The following KIAA1217 variants were observed in gnomAD, a reference collection of about 807,000 sequenced individuals.
KIAA1217 encodes the protein KIAA1217.
Under a neutral mutation model 163.9 loss-of-function variants are expected in KIAA1217, and 88 were observed. The ratio of observed to expected loss-of-function variants is 0.54; its 90% confidence interval spans 0.45 to 0.64. The LOEUF is 0.64. Ranked by LOEUF, KIAA1217 falls within the 30% of genes least tolerant of loss-of-function variation. The pLI is 0.00. For synonymous variants in KIAA1217, 903 were observed against 923.1 expected, an observed-to-expected ratio of 0.98 and a Z score of 0.39; for missense variants, 2,372 against 2,475.0, an observed-to-expected ratio of 0.96 and a Z score of 0.88.
At chr10:23,699,824 T>C (rs1338956354) in intron 1 of KIAA1217, among the ~76,000 whole-genome samples, 1 of 152,166 alleles carries the variant, frequency 6.6e-6, no homozygotes, top group East Asian at 1.9e-4. Flanking sequence ...TTATTTGTTT[T>C]GTTTTATAGC....
chr10:24,323,162 C>T (rs886716049), intron 2 of KIAA1217, among the ~76,000 whole-genome samples: 4 of 151,980 alleles, frequency 2.6e-5, no homozygotes, highest in Non-Finnish European at 5.9e-5. Context: ...TGCTATGTTG[C>T]CCAGAATGGT....
chr10:23,997,527 A>G lies in KIAA1217; in HGVS notation c.-320-9698A>G, dbSNP rs149955221. Among the ~76,000 whole-genome samples, 3 of 152,296 alleles carry G rather than the reference A, an allele frequency of 2.0e-5. No homozygotes were observed. In the East Asian group the frequency reaches 5.8e-4, roughly 29 times the overall value. ...TCTGGGAGCTTATTTTTATTACAAAAATAATTTGTGGTAGGTAGCTATAGG... is the reference window on the plus strand; with the variant it reads ...TCTGGGAGCTTATTTTTATTACAAAGATAATTTGTGGTAGGTAGCTATAGG... On this transcript the variant is annotated intron_variant, in intron 1 of 18. Coordinates refer to the KIAA1217 transcript ENST00000376462.
At chr10:24,306,977 A>G (rs1174319780) in intron 2 of KIAA1217, among the ~76,000 whole-genome samples, 1 of 152,228 alleles carries the variant, frequency 6.6e-6, no homozygotes, top group Non-Finnish European at 1.5e-5. Flanking sequence ...TAGTTAGCAA[A>G]GCTGCTTATA....
intron 2 of KIAA1217, among the ~76,000 whole-genome samples, chr10:24,013,378 A>G (rs1847329780): frequency 6.6e-6 from 1 of 151,814 alleles, no homozygotes; most frequent in Non-Finnish European, 1.5e-5. Flanking sequence ...TATTAATTAT[A>G]TATTAAATAA....
At chr10:24,498,685 G>A (rs972248825) in intron 8 of KIAA1217, among the ~76,000 whole-genome samples, 9 of 152,136 alleles carry the variant, frequency 5.9e-5, no homozygotes, top group Non-Finnish European at 1.2e-4. Context: ...GCCAGATGTG[G>A]TGGCACATAC....
At chr10:24,064,343 G>C (rs563693730) in intron 2 of KIAA1217, among the ~76,000 whole-genome samples, 1 of 151,880 alleles carries the variant, frequency 6.6e-6, no homozygotes, top group African/African-American at 2.4e-5. Context: ...TGAGAGTTTT[G>C]GGCATGAGGG....
At chr10:24,336,469 G>A (rs535605124) in intron 2 of KIAA1217, among the ~76,000 whole-genome samples, 24 of 152,306 alleles carry the variant, frequency 1.6e-4, no homozygotes, top group African/African-American at 5.3e-4. Flanking sequence ...CCCTTAGAAT[G>A]TGTGCAAACT....
chr10:24,061,813 CT>C (rs2060733567), intron 2 of KIAA1217, among the ~76,000 whole-genome samples: 2 of 152,128 alleles, frequency 1.3e-5, no homozygotes, highest in African/African-American at 4.8e-5. Context: ...TTTCAAAATT[CT>C]TTTTCTCTGA....
intron 2 of KIAA1217, among the ~76,000 whole-genome samples, chr10:24,203,374 A>G (rs2067369016): frequency 6.6e-6 from 1 of 152,190 alleles, no homozygotes; most frequent in South Asian, 2.1e-4. Flanking sequence ...GCAAAGGCTG[A>G]ACAGGACCCT....
At chr10:23,827,638 C>T (rs1158331821) in intron 1 of KIAA1217, among the ~76,000 whole-genome samples, 1 of 152,120 alleles carries the variant, frequency 6.6e-6, no homozygotes, top group African/African-American at 2.4e-5. Flanking sequence ...TTGCATCTTC[C>T]CCTCCAGCAG....
chr10:24,093,003 AC>A (rs2062000074), intron 2 of KIAA1217, among the ~76,000 whole-genome samples: 1 of 150,376 alleles, frequency 6.6e-6, no homozygotes, highest in African/African-American at 2.5e-5. Context: ...ATGAACTGAG[AC>A]TTTTTTTTAG....
intron 2 of KIAA1217, among the ~76,000 whole-genome samples, chr10:24,200,837 C>T (rs1412662024): frequency 6.6e-6 from 1 of 152,072 alleles, no homozygotes; most frequent in African/African-American, 2.4e-5. Context: ...GGCCTGTGAG[C>T]AGAGTGAGCC....
intron 1 of KIAA1217, among the ~76,000 whole-genome samples, chr10:23,874,073 C>T (rs1035986392): frequency 3.9e-5 from 6 of 151,964 alleles, no homozygotes; most frequent in Admixed American, 2.0e-4. Flanking sequence ...TTTATGATAT[C>T]ATTTCTGTAG....
intron 1 of KIAA1217, among the ~76,000 whole-genome samples, chr10:23,893,335 A>G (rs1841497688): frequency 1.3e-5 from 2 of 151,846 alleles, no homozygotes; most frequent in Admixed American, 1.3e-4. Context: ...ATCGATGGTG[A>G]TATCCCCTTT....
intron 2 of KIAA1217, among the ~76,000 whole-genome samples, chr10:24,068,347 T>C (rs193042154): frequency 1.1e-3 from 168 of 152,338 alleles, no homozygotes; most frequent in Non-Finnish European, 1.9e-3. Flanking sequence ...CCTTAATTTT[T>C]TATATCTTTA....
chr10:24,045,545 T>C (rs1452500270), intron 2 of KIAA1217, among the ~76,000 whole-genome samples: 1 of 152,114 alleles, frequency 6.6e-6, no homozygotes, highest in Non-Finnish European at 1.5e-5. Flanking sequence ...AGCTTTTATC[T>C]CTTGAGTTTT....
intron 3 of KIAA1217, among the ~76,000 whole-genome samples, chr10:24,384,538 G>T (rs1348618613): frequency 6.6e-6 from 1 of 152,132 alleles, no homozygotes; most frequent in Non-Finnish European, 1.5e-5. Flanking sequence ...GGACAAAGAG[G>T]CTGTCAAGGG....
intron 2 of KIAA1217, among the ~76,000 whole-genome samples, chr10:24,170,757 C>A (rs1456489493): frequency 6.6e-6 from 1 of 152,134 alleles, no homozygotes; most frequent in Non-Finnish European, 1.5e-5. Context: ...AAATAAGTGC[C>A]CTATAAACTT....
chr10:24,366,662 G>A (rs143074254), intron 2 of KIAA1217, among the ~76,000 whole-genome samples: 6 of 152,304 alleles, frequency 3.9e-5, no homozygotes, highest in African/African-American at 1.4e-4. Context: ...TGGGCAGAGA[G>A]CACTGCACTC....
Sources: gnomAD v4.1 joint callset for allele counts (sites outside exome capture counted in the v4.1 genomes callset) on GRCh38, gnomAD v4.1.1 for gene constraint, MANE v1.5 for transcripts, NCBI Gene and HGNC (gene_info 2026-07-23, HGNC 2026-07-21) for gene names.